Variants in GFRA2 observed in about 807,000 individuals in gnomAD.
GFRA2 encodes GDNF family receptor alpha 2.
In GFRA2, 17 loss-of-function variants were observed where a neutral mutation model predicts 48.3. That is an observed-to-expected ratio of 0.35 (90% CI 0.24 to 0.53). The LOEUF (loss-of-function observed/expected upper bound fraction) is 0.53, where lower values mean the gene tolerates loss of function less well. Among genes scored for constraint, GFRA2 ranks in the 20% least tolerant of loss-of-function variants. The pLI is 0.93. For synonymous variants in GFRA2, 305 were observed against 257.2 expected (o/e 1.19, Z -1.78); for missense variants, 660 against 637.3 (o/e 1.04, Z -0.38).
At chr8:21,715,340 G>A (rs182164036) in intron 4 of GFRA2, among the ~76,000 whole-genome samples, 7 of 152,228 alleles carry the variant, frequency 4.6e-5, no homozygotes, top group South Asian at 4.1e-4. Flanking sequence ...ATGAAGTCTC[G>A]CTCTGTCACC....
At chr8:21,788,084 G>A in intron 1 of GFRA2, 36 bp downstream of exon 1, 7 of 752,980 alleles carry the variant, frequency 9.3e-6, no homozygotes, top group South Asian at 2.9e-5. Context: ...CCGGCTTCTC[G>A]CCTCCCCCTC....
At chr8:21,732,127 T>C (rs1804228366) in intron 4 of GFRA2, among the ~76,000 whole-genome samples, 1 of 152,202 alleles carries the variant, frequency 6.6e-6, no homozygotes, top group Admixed American at 6.5e-5. Flanking sequence ...GCATAGAACA[T>C]GGTAGACAAG....
rs915331073 is a variant in GFRA2 at position 21,782,669 on chromosome 8, A to C, written c.271T>G (p.Tyr91Asp). Residue 91 changes from tyrosine to aspartate, a missense_variant, in exon 2 of 9, where the codon TAC becomes GAC. By Grantham distance (160) the Tyr-to-Asp change is radical. Coordinates refer to ENST00000524240, the MANE Select transcript of GFRA2 (RefSeq NM_001495.5). ...ALEVLQESPL[Y>D]DCRCKRGMKK... ...ATGCCCCGCTTGCAGCGGCAGTCGT[A>C]CAGCGGGCTCTCCTGCAAGACCTCC... The C allele has an allele frequency of 1.9e-6, 3 of 1,587,512 alleles. No individual in the cohort carries two copies. The Admixed American group carries it at 5.3e-5, about 28-fold the overall frequency.
chr8:21,733,591 G>A (rs368986966), intron 4 of GFRA2, among the ~76,000 whole-genome samples: 1 of 152,170 alleles, frequency 6.6e-6, no homozygotes, highest in East Asian at 1.9e-4. Flanking sequence ...ATCCCAGGCC[G>A]AATAGGACCC....
At chr8:21,746,540 T>C (rs981344583) in intron 4 of GFRA2, among the ~76,000 whole-genome samples, 2 of 152,106 alleles carry the variant, frequency 1.3e-5, no homozygotes, top group African/African-American at 2.4e-5. Context: ...AAGTGAGCCA[T>C]GTACCTAATT....
chr8:21,769,038 C>T (rs1806314539), intron 3 of GFRA2: 1 of 226,548 alleles, frequency 4.4e-6, no homozygotes, highest in East Asian at 1.8e-4. Context: ...GTTGCTGCCT[C>T]CCCTGAACTC....
intron 4 of GFRA2, among the ~76,000 whole-genome samples, chr8:21,713,544 A>G (rs1803179413): frequency 6.6e-6 from 1 of 151,938 alleles, no homozygotes; most frequent in South Asian, 2.1e-4. Context: ...AGGGGAAGAG[A>G]GCAGGGCTGA....
At chr8:21,792,669 T>C (rs889754730), upstream of GFRA2, among the ~76,000 whole-genome samples, 1 of 151,696 alleles carries the variant, frequency 6.6e-6, no homozygotes, top group Admixed American at 6.6e-5. Flanking sequence ...TTGCTAGGGG[T>C]AGGATTCAAG....
chr8:21,795,289 T>A (rs1486791957), intron 2 of GFRA2, among the ~76,000 whole-genome samples: 4 of 152,072 alleles, frequency 2.6e-5, no homozygotes, highest in African/African-American at 9.7e-5. Context: ...CCTTACAACA[T>A]CCCTGGGAGG....
chr8:21,790,720 T>C (rs1280115527), upstream of GFRA2, among the ~76,000 whole-genome samples: 3 of 152,312 alleles, frequency 2.0e-5, no homozygotes, highest in South Asian at 2.1e-4. Flanking sequence ...GGCTTAGGGA[T>C]TGGAGTTGGG....
chr8:21,778,748 G>A (rs949108908), intron 2 of GFRA2, among the ~76,000 whole-genome samples: 8 of 152,078 alleles, frequency 5.3e-5, no homozygotes, highest in East Asian at 3.9e-4. Context: ...TTAGCCAAGC[G>A]TAGTGGCACG....
chr8:21,803,591 A>G (rs1224387204), intron 2 of GFRA2, among the ~76,000 whole-genome samples: 1 of 152,232 alleles, frequency 6.6e-6, no homozygotes, highest in Non-Finnish European at 1.5e-5. Flanking sequence ...AGTTATTTCT[A>G]TGACTCAGAT....
intron 2 of GFRA2, among the ~76,000 whole-genome samples, chr8:21,797,252 G>C (rs1487887522): frequency 6.7e-6 from 1 of 149,392 alleles, no homozygotes; most frequent in Non-Finnish European, 1.5e-5. Context: ...GCGGACAATT[G>C]AGTGGCCTTT....
chr8:21,764,301 A>G (rs1336241212), intron 3 of GFRA2, among the ~76,000 whole-genome samples: 1 of 152,068 alleles, frequency 6.6e-6, no homozygotes, highest in Non-Finnish European at 1.5e-5. Flanking sequence ...ACTTGTTAGA[A>G]GGGGCAAGTG....
chr8:21,764,215 G>A (rs992718348), intron 3 of GFRA2, among the ~76,000 whole-genome samples: 5 of 152,096 alleles, frequency 3.3e-5, no homozygotes, highest in East Asian at 1.9e-4. Flanking sequence ...GTCCAACATC[G>A]AGGTGCTGGT....
At chr8:21,778,616 C>T (rs1806825642) in intron 2 of GFRA2, among the ~76,000 whole-genome samples, 1 of 152,202 alleles carries the variant, frequency 6.6e-6, no homozygotes, top group East Asian at 1.9e-4. Flanking sequence ...AGGCAGGACG[C>T]AGCGGCTTAT....
intron 4 of GFRA2, chr8:21,706,466 T>C (rs1802753902): frequency 2.2e-6 from 1 of 457,998 alleles, no homozygotes; most frequent in Non-Finnish European, 4.4e-6. Flanking sequence ...CACTGCAAAA[T>C]CCCACCAGCA....
chr8:21,778,782 G>A (rs897696639), intron 2 of GFRA2, among the ~76,000 whole-genome samples: 20 of 152,178 alleles, frequency 1.3e-4, no homozygotes, highest in African/African-American at 4.6e-4. Flanking sequence ...AGCTTCTCGG[G>A]AGGCTGAGGC....
intron 2 of GFRA2, among the ~76,000 whole-genome samples, chr8:21,794,184 C>T (rs1367003095): frequency 6.7e-6 from 1 of 148,478 alleles, no homozygotes; most frequent in African/African-American, 2.5e-5. Context: ...GTACTGTGGA[C>T]CTTGTTTTAT....
Sources: gnomAD v4.1 joint callset for allele counts (sites outside exome capture counted in the v4.1 genomes callset) on GRCh38, gnomAD v4.1.1 for gene constraint, MANE v1.5 for transcripts, NCBI Gene and HGNC (gene_info 2026-07-23, HGNC 2026-07-21) for gene names.